The following ITGA10 variants were observed in gnomAD, a reference collection of about 807,000 sequenced individuals.
ITGA10 encodes integrin subunit alpha 10.
A neutral mutation model predicts 145.2 loss-of-function variants in ITGA10; 105 were observed. The observed-to-expected ratio is 0.72, with a 90% CI of 0.62 to 0.85. ITGA10 has a LOEUF of 0.85. Ranked by LOEUF, ITGA10 falls within the 40% of genes least tolerant of loss-of-function variation. The pLI is 0.00. For missense variants in ITGA10, 1,317 were observed against 1,444.5 expected, an observed-to-expected ratio of 0.91 and a Z score of 1.43; for synonymous variants, 506 against 557.8, an observed-to-expected ratio of 0.91 and a Z score of 1.31.
At chr1:145,895,253 G>T in intron 27 of ITGA10, 27 bp downstream of exon 27, 1 of 1,487,982 alleles carries the variant, frequency 6.7e-7, no homozygotes, top group Non-Finnish European at 9.4e-7. Context: ...AGCAGAAGTG[G>T]GGAGTACTAG....
Position 145,901,093 on chromosome 1 carries a change from C to G in ITGA10, c.1587+42G>C. The G allele has an allele frequency of 6.2e-7, 1 of 1,613,322 alleles. No individual in the cohort carries two copies. The highest frequency in any genetic ancestry group is 8.5e-7 in the Non-Finnish European group (1 of 1,179,536). Reference sequence around the variant, plus strand: ...CTTCCCTCCTTTCCTCCCTCCACCCCCACAATGCAAGTCCAGGGCAGGGGG... The same window carrying G: ...CTTCCCTCCTTTCCTCCCTCCACCCGCACAATGCAAGTCCAGGGCAGGGGG... On this transcript the variant is annotated intron_variant, in intron 13 of 29. Coordinates refer to ENST00000369304, the MANE Select transcript of ITGA10 (RefSeq NM_003637.5). This position sits in a 1 kb window ranked among gnomAD's most constrained non-coding sequence, Gnocchi z 4.3.
intron 20 of ITGA10, 79 bp from the exon 21 acceptor site, chr1:145,897,418 C>G (rs1655579449): frequency 4.4e-6 from 7 of 1,594,270 alleles, no homozygotes; most frequent in African/African-American, 2.7e-5. Flanking sequence ...AAACACTGAG[C>G]CTTTCTCTAG....
rs587657659 is a variant in ITGA10, at chr1:145,893,084, T to C, written c.3438+77A>G. On this transcript the variant is annotated intron_variant, in intron 29 of 29. Transcript: ENST00000369304. ...CTGGTTAGCTGCCCAGCACAAATCC[T>C]GTTCTCTCTGCTATAATCAAGGATC... 4 of 1,171,372 alleles carry C rather than the reference T, an allele frequency of 3.4e-6. No homozygotes were observed. The African/African-American group carries it at 4.5e-5, about 13-fold the overall frequency. The allele number at this position is 1,171,372 out of a possible 1,614,324, so 72.6% of individuals were successfully genotyped here. A position where few individuals can be genotyped will look rare whatever the true frequency, so the allele number is the denominator to read the frequency against.
At chr1:145,894,950 T>C (rs1570838845) in intron 27 of ITGA10, among the ~76,000 whole-genome samples, 1 of 152,150 alleles carries the variant, frequency 6.6e-6, no homozygotes, top group East Asian at 1.9e-4. Context: ...AAATGTTGAT[T>C]GATACAGCAC....
intron 7 of ITGA10, 67 bp from the exon 8 acceptor site, chr1:145,903,028 C>T (rs199527390): frequency 4.6e-3 from 1,549 of 337,684 alleles, no homozygotes; most frequent in African/African-American, 8.8e-3. Context: ...CACACATACA[C>T]ACACACACAC....
intron 15 of ITGA10, among the ~76,000 whole-genome samples, chr1:145,899,848 T>C (rs1655985755): frequency 6.6e-6 from 1 of 152,190 alleles, no homozygotes; most frequent in African/African-American, 2.4e-5. Flanking sequence ...TGCTAGGCAC[T>C]GTGTTCAAAT....
chr1:145,892,920 TAG>T, intron 29 of ITGA10, 57 bp from the exon 30 acceptor site: 1 of 1,363,240 alleles, frequency 7.3e-7, no homozygotes, highest in Admixed American at 1.7e-5. Flanking sequence ...ACCTTGCCAG[TAG>T]CTCTCAGACT....
intron 27 of ITGA10, 101 bp from the exon 28 acceptor site, chr1:145,893,736 G>A (rs1655009820): frequency 1.2e-6 from 1 of 834,512 alleles, no homozygotes. Context: ...GAGGCATAAT[G>A]TTGAGGGCTC....
rs1244194111 is a variant in ITGA10 at position 145,900,798 on chromosome 1, GA to G, written c.1782del (p.Pro595LeufsTer25). On this transcript the variant is annotated frameshift_variant, in exon 14 of 30. Transcript: ENST00000369304. LOFTEE classifies it high-confidence loss of function. ...ATTTGGGTACTCCTGACCTGGGCAG[GA>G]TGGGGCCTGACTCCACTCTGGGTTC... ...YHGTQSGVRP[H>X]PAQRIAAASM... 11 of 1,614,016 alleles carry G rather than the reference GA, an allele frequency of 6.8e-6. No individual in the cohort carries two copies. The highest frequency in any genetic ancestry group is 1.3e-5 in the African/African-American group (1 of 74,898).
intron 1 of ITGA10, 23 bp from the exon 2 acceptor site, chr1:145,907,488 T>G: frequency 6.2e-7 from 1 of 1,613,836 alleles, no homozygotes; most frequent in South Asian, 1.1e-5. Context: ...GATCATAATG[T>G]TAGTATGAGG....
chr1:145,903,722 C>T (rs1258080169), intron 7 of ITGA10, among the ~76,000 whole-genome samples: 5 of 150,864 alleles, frequency 3.3e-5, no homozygotes, highest in Non-Finnish European at 3.0e-5. Flanking sequence ...GTTTTGCTCT[C>T]GTTGCCCAGG....
At chr1:145,906,169 T>C (rs782566564) in intron 5 of ITGA10, 2 of 450,052 alleles carry the variant, frequency 4.4e-6, no homozygotes, top group Non-Finnish European at 8.2e-6. Flanking sequence ...CCTCAAGTGA[T>C]CTGCCCACCT....
chr1:145,899,193 G>A lies in ITGA10; in HGVS notation c.2071C>T (p.Arg691Cys), dbSNP rs782455269. 11 of 1,614,094 alleles carry A rather than the reference G, an allele frequency of 6.8e-6. No homozygotes were observed. Among genetic ancestry groups the A allele is most frequent in the East Asian group, 2.2e-5 (1 of 44,890 alleles). ...CFQVTSRTPGRWDHQFYMRFT... is the reference protein window; with the variant it reads ...CFQVTSRTPGCWDHQFYMRFT... ...CACTCACAGAATTGGTGATCCCAGC[G>A]ACCAGGAGTACGGGAGGTCACTTGG... The change falls in exon 16 of 30, where the codon CGC becomes TGC. Residue 691 changes from arginine (R) to cysteine (C), a missense_variant. Coordinates refer to ENST00000369304, the MANE Select transcript of ITGA10 (RefSeq NM_003637.5).
Position 145,900,905 on chromosome 1 carries a change from A to C in ITGA10, c.1676T>G (p.Leu559Arg). The change falls in exon 14 of 30, where the codon CTG becomes CGG. Residue 559 changes from leucine to arginine, a missense_variant. Transcript: ENST00000369304. ...FGFAMGALPD[L>R]NQDGFADVAV... ...CACATCAGCAAAACCATCTTGGTTC[A>C]GATCAGGAAGAGCTCCCATGGCAAA... 6.2e-7 allele frequency: 1 copy of C among 1,614,172 alleles called. No homozygotes were observed. The highest frequency in any genetic ancestry group is 1.1e-5 in the South Asian group (1 of 91,084).
intron 5 of ITGA10, 127 bp from the exon 6 acceptor site, chr1:145,904,938 G>T (rs782462600): frequency 8.7e-6 from 8 of 916,500 alleles, no homozygotes; most frequent in Non-Finnish European, 8.4e-6. Flanking sequence ...AAGGTACTGT[G>T]CCAGGCTCTG....
intron 29 of ITGA10, 68 bp from the exon 30 acceptor site, chr1:145,892,931 C>G (rs1654901444): frequency 8.2e-7 from 1 of 1,216,994 alleles, no homozygotes; most frequent in Admixed American, 1.8e-5. Flanking sequence ...AGCTCTCAGA[C>G]TTATCTGAGG....
In ITGA10 at chr1:145,897,514, G is replaced by A. The variant is rs1655596524; in HGVS notation, c.2572C>T (p.Gln858Ter). ...CACACCCCCTCCTCCAAAGGCACCT[G>A]AGGAGTGAGACTGGCCAGGTGGAGG... ...RNLHLASLTP[Q>*]RESPIKVECA... Residue 858 changes from glutamine (Q) to a stop codon, truncating the protein, a stop_gained and splice_region_variant, in exon 20 of 30, where the codon CAG becomes TAG. Coordinates refer to ENST00000369304, the MANE Select transcript of ITGA10 (RefSeq NM_003637.5). LOFTEE classifies it high-confidence loss of function. 6.2e-7 allele frequency: 1 copy of A among 1,614,038 alleles called. No individual in the cohort carries two copies. Among genetic ancestry groups the A allele is most frequent in the East Asian group, 2.2e-5 (1 of 44,870 alleles).
chr1:145,909,416 T>A (rs1398572195), intron 1 of ITGA10, among the ~76,000 whole-genome samples: 2 of 139,064 alleles, frequency 1.4e-5, no homozygotes, highest in Admixed American at 7.3e-5. Flanking sequence ...CTTTAAAAAA[T>A]AATAATAATT....
At position 145,901,359 on chromosome 1, in the gene ITGA10, C is replaced by T. The variant is rs1656292089; in HGVS notation, c.1444-81G>A. On this transcript the variant is annotated intron_variant, in intron 12 of 29. Coordinates refer to ENST00000369304, the MANE Select transcript of ITGA10 (RefSeq NM_003637.5). The surrounding 1 kb of genome is among the most constrained non-coding windows in gnomAD (Gnocchi z 4.3). Reference sequence around the variant, plus strand: ...AGTGGACTCAGTGGGAAGCACTCACCAGCCTGCTAGTCTGCTCCTTACATC... The same window carrying T: ...AGTGGACTCAGTGGGAAGCACTCACTAGCCTGCTAGTCTGCTCCTTACATC... 6.4e-7 allele frequency: 1 copy of T among 1,555,244 alleles called. No homozygotes were observed. Among genetic ancestry groups the T allele is most frequent in the Non-Finnish European group, 8.8e-7 (1 of 1,140,244 alleles).
Sources: gnomAD v4.1 joint callset for allele counts (sites outside exome capture counted in the v4.1 genomes callset) on GRCh38, gnomAD v4.1.1 for gene constraint, Gnocchi (gnomAD v3.1) non-coding constraint, MANE v1.5 for transcripts, NCBI Gene and HGNC (gene_info 2026-07-23, HGNC 2026-07-21) for gene names.